The following DSCAM variants were observed in gnomAD, a reference collection of about 807,000 sequenced individuals.
DSCAM encodes the protein DS cell adhesion molecule.
Under a neutral mutation model 217.7 loss-of-function variants are expected in DSCAM, and 47 were observed. The observed-to-expected ratio is 0.22, with a 90% confidence interval of 0.17 to 0.28. DSCAM has a LOEUF of 0.28. Ranked by LOEUF, DSCAM falls within the 10% of genes least tolerant of loss-of-function variation. The probability of loss-of-function intolerance (pLI) is 1.00; values close to 1 mark genes in which losing one functional copy is unlikely to be tolerated. For synonymous variants in DSCAM, 1,056 were observed against 1,015.3 expected, an observed-to-expected ratio of 1.04 and a Z score of -0.76; for missense variants, 2,080 against 2,618.3, an observed-to-expected ratio of 0.79 and a Z score of 4.49.
intron 1 of DSCAM, among the ~76,000 whole-genome samples, chr21:40,734,783 T>C (rs1356435282): frequency 6.6e-6 from 1 of 152,172 alleles, no homozygotes; most frequent in Non-Finnish European, 1.5e-5. Context: ...TGTATGAAAA[T>C]GTAGACTCTG....
At chr21:40,248,742 CA>C (rs1426935047) in intron 11 of DSCAM, among the ~76,000 whole-genome samples, 2 of 152,160 alleles carry the variant, frequency 1.3e-5, no homozygotes, top group African/African-American at 4.8e-5. Context: ...GGTATCTTTT[CA>C]GCAGTGCCCC....
chr21:40,701,467 T>C (rs2090655554), intron 2 of DSCAM, among the ~76,000 whole-genome samples: 4 of 152,262 alleles, frequency 2.6e-5, no homozygotes, highest in Admixed American at 2.6e-4. Context: ...TTTCTGCTTA[T>C]AGTTTTAGTT....
chr21:40,485,217 A>G (rs1601680420), intron 3 of DSCAM, among the ~76,000 whole-genome samples: 1 of 150,512 alleles, frequency 6.6e-6, no homozygotes, highest in Admixed American at 6.7e-5. Context: ...ACATATTTCA[A>G]TATCACACTG....
intron 11 of DSCAM, among the ~76,000 whole-genome samples, chr21:40,217,240 A>G (rs1041032965): frequency 1.3e-5 from 2 of 152,236 alleles, no homozygotes; most frequent in African/African-American, 4.8e-5. Flanking sequence ...GAAGGTTTGA[A>G]AAATGCAGAA....
chr21:40,476,884 G>C lies in DSCAM; in HGVS notation c.509-107639C>G, dbSNP rs180683720. 2.6e-5 allele frequency among the ~76,000 whole-genome samples: 4 copies of C among 152,288 alleles called. No homozygotes were observed. In the East Asian group the frequency reaches 7.7e-4, roughly 29 times the overall value. On this transcript the variant is annotated intron_variant, in intron 3 of 32. Coordinates refer to ENST00000400454, the MANE Select transcript of DSCAM (RefSeq NM_001389.5). ...AAAAACTTGAGGGAAAATTCAGAGA[G>C]AGTAGGAAAAACGTTTACTTTCTCA...
At chr21:40,442,037 G>A (rs959860436) in intron 3 of DSCAM, among the ~76,000 whole-genome samples, 1 of 152,130 alleles carries the variant, frequency 6.6e-6, no homozygotes, top group Non-Finnish European at 1.5e-5. Context: ...AGAGGGTAGA[G>A]GTTATGAAGA....
chr21:40,497,763 T>C (rs1601691942), intron 3 of DSCAM, among the ~76,000 whole-genome samples: 1 of 152,344 alleles, frequency 6.6e-6, no homozygotes, highest in Middle Eastern at 3.4e-3. Context: ...TACAAATAAA[T>C]TGTTTAAAAA....
chr21:40,144,126 C>G lies in DSCAM; in HGVS notation c.3259+365G>C, dbSNP rs77273962. Among the ~76,000 whole-genome samples, 11,214 of 152,198 alleles carry G rather than the reference C, an allele frequency of 0.074. 689 individuals carry two copies. Among genetic ancestry groups the G allele is most frequent in the African/African-American group, 0.17 (7,179 of 41,528 alleles). ...AAAAATAAAATAAATTTTAAAAAAC[C>G]TTCTTAACATTTGGGAGAAAGTTTT... On this transcript the variant is annotated intron_variant, in intron 17 of 32. Transcript: ENST00000400454. The surrounding 1 kb of genome is among the most constrained non-coding windows in gnomAD (Gnocchi z 4.8).
chr21:40,411,835 A>G (rs2075326006), intron 3 of DSCAM, among the ~76,000 whole-genome samples: 1 of 152,224 alleles, frequency 6.6e-6, no homozygotes, highest in Non-Finnish European at 1.5e-5. Flanking sequence ...AGTTTCTCAT[A>G]AAACCACAAA....
chr21:40,789,681 C>T (rs1051679021), intron 1 of DSCAM, among the ~76,000 whole-genome samples: 3 of 151,668 alleles, frequency 2.0e-5, no homozygotes, highest in Admixed American at 2.0e-4. Flanking sequence ...TCAGCCTCCC[C>T]AGTAGCTGGG....
Position 40,423,940 on chromosome 21 carries a change from A to G in DSCAM, c.509-54695T>C, listed in dbSNP as rs149681076. ...AAACATTTAGAGAAATATTACAAAC[A>G]AAATTTTATATTTCCTCACTTTCCT... On this transcript the variant is annotated intron_variant, in intron 3 of 32. Transcript: ENST00000400454. Among the ~76,000 whole-genome samples, 884 of 152,304 alleles carry G rather than the reference A, an allele frequency of 5.8e-3. 13 individuals carry two copies. The highest frequency in any genetic ancestry group is 0.02 in the African/African-American group (844 of 41,562).
intron 8 of DSCAM, among the ~76,000 whole-genome samples, chr21:40,314,661 C>T (rs1002889371): frequency 6.6e-6 from 1 of 152,096 alleles, no homozygotes; most frequent in Non-Finnish European, 1.5e-5. Flanking sequence ...ACATTTCCTC[C>T]CCTTTGATTT....
chr21:40,164,583 A>C (rs562624622), intron 16 of DSCAM, among the ~76,000 whole-genome samples: 1 of 152,284 alleles, frequency 6.6e-6, no homozygotes, highest in South Asian at 2.1e-4. Flanking sequence ...GGATCACGTG[A>C]AGTCAGGAGT....
At chr21:40,027,147 G>T (rs1278827697) in intron 32 of DSCAM, among the ~76,000 whole-genome samples, 88 of 151,892 alleles carry the variant, frequency 5.8e-4, no homozygotes, top group African/African-American at 2.0e-3. Context: ...GCTTAGTTTG[G>T]CTGGATATGA....
intron 3 of DSCAM, among the ~76,000 whole-genome samples, chr21:40,560,006 G>A (rs959192380): frequency 2.0e-5 from 3 of 152,022 alleles, no homozygotes; most frequent in Non-Finnish European, 2.9e-5. Context: ...TGTTAGCCAG[G>A]ATGGTCTCGA....
chr21:40,051,659 C>T (rs1045463654), intron 30 of DSCAM, among the ~76,000 whole-genome samples: 2 of 152,128 alleles, frequency 1.3e-5, no homozygotes, highest in Non-Finnish European at 2.9e-5. Context: ...AGCAGATACA[C>T]ACTAAAGTAG....
chr21:40,713,236 C>G (rs1443513988), intron 1 of DSCAM, among the ~76,000 whole-genome samples: 1 of 152,170 alleles, frequency 6.6e-6, no homozygotes, highest in East Asian at 1.9e-4. Context: ...AATGAAAACT[C>G]TAACTTTTCA....
intron 3 of DSCAM, among the ~76,000 whole-genome samples, chr21:40,534,132 T>C (rs2076476600): frequency 1.3e-5 from 2 of 152,194 alleles, no homozygotes; most frequent in South Asian, 2.1e-4. Flanking sequence ...CATATGTTTT[T>C]TATTCATTGA....
At chr21:40,835,952 T>TATTTACCTAAAAG (rs1342682279) in intron 1 of DSCAM, among the ~76,000 whole-genome samples, 1 of 152,232 alleles carries the variant, frequency 6.6e-6, no homozygotes, top group Non-Finnish European at 1.5e-5. Flanking sequence ...AACTTGTGAT[T>TATTTACCTAAAAG]ATTTACCTAA....
Sources: gnomAD v4.1 joint callset for allele counts (sites outside exome capture counted in the v4.1 genomes callset) on GRCh38, gnomAD v4.1.1 for gene constraint, Gnocchi (gnomAD v3.1) non-coding constraint, MANE v1.5 for transcripts, NCBI Gene and HGNC (gene_info 2026-07-23, HGNC 2026-07-21) for gene names.